The following GPC3 variants were observed in gnomAD, a reference collection of about 807,000 sequenced individuals.
GPC3 encodes the protein glypican-3.
GPC3 carries 3 observed loss-of-function variants against 34.4 expected under a neutral mutation model. The observed-to-expected ratio is 0.09, with a 90% confidence interval of 0.04 to 0.23. The LOEUF (loss-of-function observed/expected upper bound fraction) is 0.23. GPC3 is among the 10% of genes least tolerant of loss of function. The probability of loss-of-function intolerance (pLI) is 1.00; values close to 1 mark genes in which losing one functional copy is unlikely to be tolerated. For missense variants in GPC3, 351 were observed against 445.6 expected, an observed-to-expected ratio of 0.79 and a Z score of 1.91; for synonymous variants, 177 against 174.0, an observed-to-expected ratio of 1.02 and a Z score of -0.13.
chrX:133,912,824 G>T (rs1471158166), intron 2 of GPC3, among the ~76,000 whole-genome samples: 2 of 111,661 alleles, frequency 1.8e-5, no homozygotes, highest in African/African-American at 6.5e-5. Flanking sequence ...GATTACAGAT[G>T]ATGTATATAA....
chrX:133,641,758 A>C (rs2070484038), intron 6 of GPC3, among the ~76,000 whole-genome samples: 1 of 112,078 alleles, frequency 8.9e-6, no homozygotes, highest in African/African-American at 3.2e-5. Flanking sequence ...GCTTTCTAGC[A>C]GTTTAGGAAA....
At chrX:133,585,129 C>T (rs1281428788) in intron 7 of GPC3, among the ~76,000 whole-genome samples, 4 of 111,695 alleles carry the variant, frequency 3.6e-5, no homozygotes, top group Non-Finnish European at 7.5e-5. Context: ...CCTACCAGTG[C>T]GAATGGGAAA....
At chrX:133,869,816 G>A (rs2075986267) in intron 2 of GPC3, among the ~76,000 whole-genome samples, 3 of 111,403 alleles carry the variant, frequency 2.7e-5, no homozygotes, top group Non-Finnish European at 3.8e-5. Flanking sequence ...TTAGCCGGGC[G>A]CGGTGGTGGG....
intron 6 of GPC3, among the ~76,000 whole-genome samples, chrX:133,628,089 T>C (rs1352240400): frequency 8.9e-6 from 1 of 112,173 alleles, no homozygotes; most frequent in Non-Finnish European, 1.9e-5. Context: ...TCCACTCTTC[T>C]ATTTGTTGTT....
intron 2 of GPC3, among the ~76,000 whole-genome samples, chrX:133,814,158 T>G (rs1226466432): frequency 9.0e-6 from 1 of 111,304 alleles, no homozygotes; most frequent in African/African-American, 3.3e-5. Context: ...AATATGTCAG[T>G]TGGCATGGTG....
At chrX:133,903,260 C>A (rs1397262131) in intron 2 of GPC3, among the ~76,000 whole-genome samples, 1 of 111,447 alleles carries the variant, frequency 9.0e-6, no homozygotes, top group Non-Finnish European at 1.9e-5. Flanking sequence ...GCTCTTACTG[C>A]ATAAACAATG....
intron 2 of GPC3, among the ~76,000 whole-genome samples, chrX:133,860,789 A>G (rs2075932645): frequency 9.0e-6 from 1 of 111,650 alleles, no homozygotes; most frequent in Non-Finnish European, 1.9e-5. Flanking sequence ...ATTCTAGCAC[A>G]TATGGTAAGT....
intron 2 of GPC3, among the ~76,000 whole-genome samples, chrX:133,819,254 C>T (rs1284408212): frequency 1.0e-5 from 1 of 99,672 alleles, no homozygotes; most frequent in African/African-American, 3.7e-5. Context: ...TTTTTTTTAA[C>T]CTGCTACCAA....
chrX:133,914,800 C>T (rs1178257142), intron 2 of GPC3, among the ~76,000 whole-genome samples: 5 of 98,801 alleles, frequency 5.1e-5, no homozygotes, highest in African/African-American at 1.9e-4. Flanking sequence ...TTTTTTGTAG[C>T]AAAAGATATA....
chrX:133,893,758 G>T (rs2076099240), intron 2 of GPC3, among the ~76,000 whole-genome samples: 1 of 111,926 alleles, frequency 8.9e-6, no homozygotes, highest in Non-Finnish European at 1.9e-5. Flanking sequence ...GGGGAGGGAA[G>T]TCCCTGCCTA....
chrX:133,671,001 A>G (rs1359012385), intron 5 of GPC3: 19 of 527,538 alleles, frequency 3.6e-5, no homozygotes, highest in Non-Finnish European at 6.5e-5. Context: ...CCAAACTACA[A>G]AGTTCATGAC....
intron 7 of GPC3, among the ~76,000 whole-genome samples, chrX:133,568,186 A>G (rs1410699610): frequency 1.7e-4 from 19 of 112,187 alleles, no homozygotes; most frequent in Non-Finnish European, 3.8e-5. Context: ...TTGTAGGCTG[A>G]CAAGGGAGCC....
At chrX:133,591,159 AAG>A (rs778061951) in intron 7 of GPC3, among the ~76,000 whole-genome samples, 1 of 111,898 alleles carries the variant, frequency 8.9e-6, no homozygotes, top group African/African-American at 3.2e-5. Flanking sequence ...AGGGAGATAC[AAG>A]AGAGTCTTAA....
At chrX:133,629,373 C>T (rs1299353355) in intron 6 of GPC3, among the ~76,000 whole-genome samples, 1 of 109,538 alleles carries the variant, frequency 9.1e-6, no homozygotes. Context: ...CCAGCTCTGA[C>T]AGTCTATGAT....
chrX:133,654,711 C>CAAAAAA (rs200711396), intron 6 of GPC3, among the ~76,000 whole-genome samples: 1 of 95,410 alleles, frequency 1.0e-5, no homozygotes, highest in African/African-American at 4.9e-5. Flanking sequence ...GACTCCGTCT[C>CAAAAAA]AAAAAACAAA....
intron 7 of GPC3, among the ~76,000 whole-genome samples, chrX:133,584,942 A>C (rs899490355): frequency 4.5e-5 from 5 of 110,385 alleles, no homozygotes; most frequent in Non-Finnish European, 7.6e-5. Flanking sequence ...AAAAAAAAAA[A>C]AAAACAAAAA....
intron 2 of GPC3, among the ~76,000 whole-genome samples, chrX:133,815,745 T>C (rs2075688599): frequency 1.8e-5 from 2 of 111,615 alleles, no homozygotes; most frequent in Admixed American, 1.9e-4. Flanking sequence ...GAGAATGCTG[T>C]TTCATTTAAA....
chrX:133,853,976 A>C lies in GPC3; in HGVS notation c.337+99074T>G, dbSNP rs139497231. 3.6e-5 allele frequency among the ~76,000 whole-genome samples: 4 copies of C among 112,115 alleles called. No individual in the cohort carries two copies. The East Asian group carries it at 1.1e-3, about 32-fold the overall frequency. On this transcript the variant is annotated intron_variant, in intron 2 of 7. Coordinates refer to ENST00000370818, the MANE Select transcript of GPC3 (RefSeq NM_004484.4). ...TTCCTTATCCAAAAATTTTTCCACT[A>C]GTCTTTGCAGCTTTCTTGCTCTATT... is the stretch of plus-strand genomic sequence containing the variant.
intron 2 of GPC3, among the ~76,000 whole-genome samples, chrX:133,936,093 T>TATC (rs916392363): frequency 9.3e-6 from 1 of 108,071 alleles, no homozygotes; most frequent in African/African-American, 3.4e-5. Flanking sequence ...TTATTATTAT[T>TATC]ATCATTATTT....
Sources: allele counts gnomAD v4.1 joint callset (sites outside exome capture counted in the v4.1 genomes callset), GRCh38; gene constraint gnomAD v4.1.1; transcripts MANE v1.5; gene names NCBI Gene and HGNC (gene_info 2026-07-23, HGNC 2026-07-21).